Variants in CLIP2 observed in about 807,000 individuals in gnomAD.
CLIP2 encodes the protein CAP-Gly domain-containing linker protein 2.
CLIP2 carries 41 observed loss-of-function variants against 111.7 expected under a neutral mutation model. The observed-to-expected ratio is 0.37, with a 90% CI of 0.29 to 0.48. The LOEUF is 0.48. CLIP2 is among the 20% of genes least tolerant of loss of function. CLIP2 has a pLI of 0.99. For missense variants in CLIP2, 1,160 were observed against 1,422.1 expected (o/e 0.82, Z 2.96); for synonymous variants, 660 against 644.2 (o/e 1.02, Z -0.37).
At chr7:74,370,856 C>G (rs1480668372) in intron 8 of CLIP2, among the ~76,000 whole-genome samples, 2 of 152,004 alleles carry the variant, frequency 1.3e-5, no homozygotes, top group African/African-American at 4.8e-5. Flanking sequence ...TCCAGTTACT[C>G]TCTCCCCAGT....
intron 3 of CLIP2, among the ~76,000 whole-genome samples, chr7:74,340,435 C>G (rs1236213957): frequency 6.6e-6 from 1 of 152,070 alleles, no homozygotes; most frequent in East Asian, 1.9e-4. Context: ...GGTTATAACC[C>G]CTTGCCCAGG....
At chr7:74,395,747 C>G (rs571026427) in intron 13 of CLIP2, among the ~76,000 whole-genome samples, 1 of 152,174 alleles carries the variant, frequency 6.6e-6, no homozygotes, top group Non-Finnish European at 1.5e-5. Flanking sequence ...GGGAGATCAG[C>G]TAGGAATGCT....
At chr7:74,372,822 T>TCC in intron 8 of CLIP2, 110 bp from the exon 9 acceptor site, 1 of 688,986 alleles carries the variant, frequency 1.5e-6, no homozygotes, top group South Asian at 1.7e-5. Flanking sequence ...AGATGACGCC[T>TCC]CCTCTCTCTC....
intron 11 of CLIP2, among the ~76,000 whole-genome samples, chr7:74,383,944 C>A (rs569457407): frequency 1.3e-5 from 2 of 152,308 alleles, no homozygotes; most frequent in Admixed American, 1.3e-4. Context: ...TACTTTCTAT[C>A]TCTGTGGATT....
chr7:74,382,258 A>AT (rs1246167474), intron 11 of CLIP2, among the ~76,000 whole-genome samples: 41 of 72,728 alleles, frequency 5.6e-4, no homozygotes, highest in Non-Finnish European at 7.8e-4. Context: ...TAATTTTTGT[A>AT]TTTTTTTTTT....
intron 1 of CLIP2, among the ~76,000 whole-genome samples, chr7:74,314,822 T>C (rs1584318064): frequency 6.6e-6 from 1 of 151,968 alleles, no homozygotes. Context: ...GGCCTGGGGG[T>C]GGGGGGCTTG....
intron 2 of CLIP2, among the ~76,000 whole-genome samples, chr7:74,327,550 G>A (rs1173117433): frequency 6.6e-6 from 1 of 152,212 alleles, no homozygotes; most frequent in African/African-American, 2.4e-5. Flanking sequence ...ATTTCTAGGA[G>A]CCTTCCCAGC....
At chr7:74,341,420 C>T (rs1789655924) in intron 3 of CLIP2, among the ~76,000 whole-genome samples, 2 of 151,900 alleles carry the variant, frequency 1.3e-5, no homozygotes, top group South Asian at 4.2e-4. Context: ...ATCTCTTGAC[C>T]TACCCACCTC....
Position 74,403,957 on chromosome 7 carries a change from A to G in CLIP2, c.*109A>G, listed in dbSNP as rs962656699. On this transcript the variant is annotated 3_prime_UTR_variant, in exon 17 of 17. Coordinates refer to ENST00000223398, the MANE Select transcript of CLIP2 (RefSeq NM_003388.5). ...GGGACTGTCACTTTGGAGACAAAACAGTGTTTGTAACAATAACGTACTCAC... is the reference window on the plus strand; with the variant it reads ...GGGACTGTCACTTTGGAGACAAAACGGTGTTTGTAACAATAACGTACTCAC... The G allele has an allele frequency of 1.1e-5, 13 of 1,234,608 alleles. No individual in the cohort carries two copies. The highest frequency in any genetic ancestry group is 1.5e-5 in the Non-Finnish European group (13 of 844,564). 76.5% of individuals were successfully genotyped at this position (1,234,608 alleles called of 1,614,324 possible). A position where few individuals can be genotyped will look rare whatever the true frequency, so the allele number is the denominator to read the frequency against.
At chr7:74,348,445 T>C (rs1789865502) in intron 3 of CLIP2, among the ~76,000 whole-genome samples, 1 of 151,592 alleles carries the variant, frequency 6.6e-6, no homozygotes, top group East Asian at 1.9e-4. Context: ...CCCTTGAGCC[T>C]AGGAATTTGG....
chr7:74,336,860 G>GTTTT (rs376463523), intron 2 of CLIP2, among the ~76,000 whole-genome samples: 2 of 140,594 alleles, frequency 1.4e-5, no homozygotes, highest in Non-Finnish European at 1.5e-5. Flanking sequence ...TGTTTTTTTT[G>GTTTT]TTTTTTTTTT....
chr7:74,327,736 G>A (rs1338675719), intron 2 of CLIP2, among the ~76,000 whole-genome samples: 1 of 152,180 alleles, frequency 6.6e-6, no homozygotes, highest in Non-Finnish European at 1.5e-5. Flanking sequence ...GGTGGGGGCA[G>A]GGCTGCCTCC....
Position 74,376,579 on chromosome 7 carries a change from G to A in CLIP2, c.2178G>A (p.Arg726=), listed in dbSNP as rs1554312935. 3 of 1,611,178 alleles carry A rather than the reference G, an allele frequency of 1.9e-6. No homozygotes were observed. The South Asian group carries it at 3.3e-5, about 18-fold the overall frequency. ...TGCAGGAGGCCCAGGACCAGCGCCG[G>A]GATGCCGAGCTGCGTGTGCACGAGC... ...LELQEAQDQR[R]DAELRVHELE... The change falls in exon 10 of 17, where the codon CGG becomes CGA. Residue 726 remains arginine, a synonymous_variant. Transcript: ENST00000223398. This position sits in a 1 kb window ranked among gnomAD's most constrained non-coding sequence, Gnocchi z 7.1.
At chr7:74,352,362 G>A (rs1249415440) in intron 3 of CLIP2, among the ~76,000 whole-genome samples, 2 of 150,966 alleles carry the variant, frequency 1.3e-5, no homozygotes, top group Admixed American at 6.6e-5. Flanking sequence ...ACTTGAACTC[G>A]GGAGGTGGAG....
At chr7:74,373,066 G>T in intron 9 of CLIP2, 30 bp downstream of exon 9, 3 of 1,476,194 alleles carry the variant, frequency 2.0e-6, no homozygotes, top group Non-Finnish European at 2.8e-6. Flanking sequence ...CGCCTGGCCC[G>T]CCAGCCACCT....
At chr7:74,290,863 C>G (rs554418769) in intron 1 of CLIP2, among the ~76,000 whole-genome samples, 1 of 152,222 alleles carries the variant, frequency 6.6e-6, no homozygotes, top group Non-Finnish European at 1.5e-5. Context: ...ACAGCAGCCT[C>G]GGTGTCCCCA....
In CLIP2 at chr7:74,400,417, C is replaced by G. The variant is rs782202505; in HGVS notation, c.2928C>G (p.Asp976Glu). 5.6e-5 allele frequency: 91 copies of G among 1,613,688 alleles called. No homozygotes were observed. In the South Asian group the frequency reaches 9.7e-4, roughly 17 times the overall value. ...ATCAGAGGCGCTACTCCCTCATCGA[C>G]CGGTCCTCGGCGCCCGAGCTTCTGC... Reference protein sequence around the residue: ...LSDQRRYSLIDRSSAPELLRL... With the variant: ...LSDQRRYSLIERSSAPELLRL... The change falls in exon 15 of 17, where the codon GAC becomes GAG. Residue 976 changes from aspartate (D) to glutamate (E), a missense_variant. Around this residue, in one of 5 missense-constraint regions of CLIP2, gnomAD observed 676 missense variants for 777.8 expected, o/e 0.87. Transcript: ENST00000223398.
At chr7:74,336,875 G>GTTTTTTTTTTTTT (rs1385833904) in intron 2 of CLIP2, among the ~76,000 whole-genome samples, 8 of 36,622 alleles carry the variant, frequency 2.2e-4, no homozygotes, top group Non-Finnish European at 4.2e-4. Flanking sequence ...TTTTTTTTTT[G>GTTTTTTTTTTTTT]TTTTTTTTTG....
intron 2 of CLIP2, among the ~76,000 whole-genome samples, chr7:74,337,405 G>A (rs1270419757): frequency 1.3e-5 from 2 of 152,022 alleles, no homozygotes; most frequent in African/African-American, 4.8e-5. Flanking sequence ...ACCGTCTGAG[G>A]GCGAGGATGG....
Sources: gnomAD v4.1 joint callset for allele counts (sites outside exome capture counted in the v4.1 genomes callset) on GRCh38, gnomAD v4.1.1 for gene constraint, gnomAD v4.1.1 regional missense constraint, Gnocchi (gnomAD v3.1) non-coding constraint, MANE v1.5 for transcripts, NCBI Gene and HGNC (gene_info 2026-07-23, HGNC 2026-07-21) for gene names.